EME1: variants seen among roughly 807,000 people sequenced by gnomAD.
The protein encoded by EME1 is essential meiotic structure-specific endonuclease 1, also known as structure-specific endonuclease subunit EME1.
In EME1, 61 loss-of-function variants were observed where a neutral mutation model predicts 59.1. The ratio of observed to expected loss-of-function variants is 1.03; its 90% CI spans 0.84 to 1.28. The LOEUF is 1.28. EME1 is among the 50% of genes most tolerant of loss of function. The probability of loss-of-function intolerance (pLI) is 0.00; values close to 1 mark genes in which losing one functional copy is unlikely to be tolerated. For synonymous variants in EME1, 230 were observed against 254.2 expected (o/e 0.90, Z 0.90); for missense variants, 635 against 682.6 (o/e 0.93, Z 0.78).
intron 3 of EME1, among the ~76,000 whole-genome samples, chr17:50,377,374 C>A (rs1324385197): frequency 6.6e-6 from 1 of 152,188 alleles, no homozygotes; most frequent in Admixed American, 6.5e-5. Context: ...GAACCCAGAG[C>A]TCCCCAAACC....
chr17:50,373,272 T>C lies in EME1; in HGVS notation c.-30T>C, dbSNP rs1281924831. 12 of 1,540,664 alleles carry C rather than the reference T, an allele frequency of 7.8e-6. No homozygotes were observed. Among genetic ancestry groups the C allele is most frequent in the Non-Finnish European group, 1.1e-5 (12 of 1,132,730 alleles). ...GCAGTTGAAAGAGTGGCGGGAGAAGTTGCAGGTGAGCGTCCCCGGTCGCAG... is the reference window on the plus strand; with the variant it reads ...GCAGTTGAAAGAGTGGCGGGAGAAGCTGCAGGTGAGCGTCCCCGGTCGCAG... On this transcript the variant is annotated 5_prime_UTR_variant, in exon 1 of 9. Transcript: ENST00000338165.
chr17:50,381,082 T>G lies in EME1; in HGVS notation c.*143T>G. On this transcript the variant is annotated 3_prime_UTR_variant, in exon 9 of 9. Transcript: ENST00000338165. ...AGTCTTTCTTGGGTCTTATTATTTG[T>G]GAAGGTCTCTCTGCCTGTCGGCTGG... is the stretch of plus-strand genomic sequence containing the variant. 4.6e-6 allele frequency: 4 copies of G among 872,962 alleles called. No homozygotes were observed. The South Asian group carries it at 7.2e-5, about 16-fold the overall frequency. 54.1% of individuals were successfully genotyped at this position (872,962 alleles called of 1,614,324 possible).
At position 50,379,130 on chromosome 17, in the gene EME1, G is replaced by T; in HGVS notation, c.1136G>T (p.Gly379Val). Residue 379 changes from glycine to valine, a missense_variant, in exon 6 of 9, where the codon GGG becomes GTG. Transcript: ENST00000338165. ...CFSAQNPPRR[G>V]KQGANKQTKK... The stretch of plus-strand genomic sequence containing the variant: ...AGTGCTCAGAATCCTCCAAGAAGAG[G>T]GAAACAGGGAGCAAATAAACAGACC... 6.2e-7 allele frequency: 1 copy of T among 1,614,106 alleles called. No homozygotes were observed. Among genetic ancestry groups the T allele is most frequent in the Non-Finnish European group, 8.5e-7 (1 of 1,180,034 alleles).
Position 50,379,225 on chromosome 17 carries a change from G to A in EME1, c.1230+1G>A. On this transcript the variant is annotated splice_donor_variant, in intron 6 of 8. Transcript: ENST00000338165. LOFTEE classifies it high-confidence loss of function. ...GGTATCCAGGGTAGACGCTGAAGAGGTAAGAACGTCCTGTTGCCTGAATCG... is the reference window on the plus strand; with the variant it reads ...GGTATCCAGGGTAGACGCTGAAGAGATAAGAACGTCCTGTTGCCTGAATCG... 3 of 1,614,074 alleles carry A rather than the reference G, an allele frequency of 1.9e-6. No homozygotes were observed. The highest frequency in any genetic ancestry group is 2.5e-6 in the Non-Finnish European group (3 of 1,180,008).
intron 7 of EME1, chr17:50,379,809 G>A (rs771098004): frequency 2.7e-5 from 13 of 472,928 alleles, no homozygotes; most frequent in Non-Finnish European, 4.6e-5. Context: ...GATATCATAG[G>A]CCAGGTTACC....
intron 1 of EME1, among the ~76,000 whole-genome samples, chr17:50,373,981 T>C (rs1054258840): frequency 2.0e-5 from 3 of 152,062 alleles, no homozygotes; most frequent in Non-Finnish European, 2.9e-5. Context: ...AAAAAGTCAA[T>C]CACAAAAGGC....
Position 50,379,151 on chromosome 17 carries a change from A to C in EME1, c.1157A>C (p.Gln386Pro). 1 of 1,614,194 alleles carries C rather than the reference A, an allele frequency of 6.2e-7. No homozygotes were observed. The highest frequency in any genetic ancestry group is 8.5e-7 in the Non-Finnish European group (1 of 1,180,036). ...AGAGGGAAACAGGGAGCAAATAAACAGACCAAGAAGCAGCAGCAGAGACAA... is the reference window on the plus strand; with the variant it reads ...AGAGGGAAACAGGGAGCAAATAAACCGACCAAGAAGCAGCAGCAGAGACAA... ...PRRGKQGANK[Q>P]TKKQQQRQPE... The change falls in exon 6 of 9, where the codon CAG becomes CCG. Residue 386 changes from glutamine (Q) to proline (P), a missense_variant. Gln to Pro is a moderately conservative substitution (Grantham distance 76). Coordinates refer to ENST00000338165, the MANE Select transcript of EME1 (RefSeq NM_152463.4).
Position 50,380,988 on chromosome 17 carries a change from C to G in EME1, c.*49C>G. Reference sequence around the variant, plus strand: ...GAAAAGCTGGAAACTTCCACTTCCCCAACCTCAGAGCCTGACTGTAATGAA... The same window carrying G: ...GAAAAGCTGGAAACTTCCACTTCCCGAACCTCAGAGCCTGACTGTAATGAA... On this transcript the variant is annotated 3_prime_UTR_variant, in exon 9 of 9. Coordinates refer to ENST00000338165, the MANE Select transcript of EME1 (RefSeq NM_152463.4). 1 of 1,599,794 alleles carries G rather than the reference C, an allele frequency of 6.3e-7. No individual in the cohort carries two copies.
At position 50,380,514 on chromosome 17, in the gene EME1, A is replaced by G; in HGVS notation, c.1536+13A>G. The G allele has an allele frequency of 1.2e-6, 2 of 1,612,104 alleles. No individual in the cohort carries two copies. Among genetic ancestry groups the G allele is most frequent in the East Asian group, 2.2e-5 (1 of 44,854 alleles). Reference sequence around the variant, plus strand: ...GCTCCTGGTACAGGTATGCTGCTCCAGGGCTCAGGGGTCACTGCCCATTGC... The same window carrying G: ...GCTCCTGGTACAGGTATGCTGCTCCGGGGCTCAGGGGTCACTGCCCATTGC... On this transcript the variant is annotated intron_variant, in intron 8 of 8. Transcript: ENST00000338165.
chr17:50,375,104 T>C, intron 1 of EME1, 81 bp from the exon 2 acceptor site: 1 of 1,079,790 alleles, frequency 9.3e-7, no homozygotes, highest in East Asian at 2.4e-5. Context: ...TATATTTATG[T>C]CATAAAGCCT....
chr17:50,376,105 C>G lies in EME1; in HGVS notation c.815C>G (p.Ala272Gly). 1 of 1,614,100 alleles carries G rather than the reference C, an allele frequency of 6.2e-7. No individual in the cohort carries two copies. The highest frequency in any genetic ancestry group is 8.5e-7 in the Non-Finnish European group (1 of 1,180,024). Residue 272 changes from alanine to glycine, a missense_variant, in exon 3 of 9, where the codon GCA (alanine) becomes GGA (glycine). Ala to Gly is a moderately conservative substitution (Grantham distance 60). Transcript: ENST00000338165. ...QMEGGGQLLGALQTMECRCVI... is the reference protein window; with the variant it reads ...QMEGGGQLLGGLQTMECRCVI... The stretch of plus-strand genomic sequence containing the variant: ...GAAGGTGGGGGCCAGCTCCTAGGAG[C>G]ACTGCAGACCATGGAGTGCCGCTGT...
Position 50,378,699 on chromosome 17 carries a change from G to T in EME1, c.990+18G>T. The T allele has an allele frequency of 1.2e-6, 2 of 1,614,214 alleles. No homozygotes were observed. The highest frequency in any genetic ancestry group is 1.7e-6 in the Non-Finnish European group (2 of 1,180,038). On this transcript the variant is annotated intron_variant, in intron 4 of 8. Transcript: ENST00000338165. The stretch of plus-strand genomic sequence containing the variant: ...GAAAGCAGGTGGGCAGAGCCAGAGG[G>T]TGGGAGGACACGGAACAGAGGGCTG...
chr17:50,378,611 T>A lies in EME1; in HGVS notation c.920T>A (p.Val307Glu). ...CTTTGGCAGGACAGAGAGGACTGGG[T>A]GGAGGAGCCAACAGTACTGGTGTTG... is the stretch of plus-strand genomic sequence containing the variant. The part of the protein sequence containing the change: ...AGPSEDREDW[V>E]EEPTVLVLLR... The change falls in exon 4 of 9, where the codon GTG (valine) becomes GAG (glutamate). Residue 307 changes from valine (V) to glutamate (E), a missense_variant. Val to Glu is a moderately radical substitution (Grantham distance 121). Transcript: ENST00000338165. 1.2e-6 allele frequency: 2 copies of A among 1,613,790 alleles called. No individual in the cohort carries two copies.
At chr17:50,374,024 T>C (rs996787594) in intron 1 of EME1, among the ~76,000 whole-genome samples, 1 of 152,146 alleles carries the variant, frequency 6.6e-6, no homozygotes. Flanking sequence ...ATATGAAATA[T>C]CCAGAATAGG....
intron 7 of EME1, chr17:50,380,067 T>G: frequency 2.3e-6 from 1 of 443,268 alleles, no homozygotes; most frequent in Non-Finnish European, 4.1e-6. Context: ...TTGCCAGATA[T>G]CCAAAGAATC....
chr17:50,377,141 A>G (rs1254922783), intron 3 of EME1, among the ~76,000 whole-genome samples: 2 of 152,096 alleles, frequency 1.3e-5, no homozygotes, highest in East Asian at 1.9e-4. Flanking sequence ...TTTGGATCTG[A>G]TAACTTTCTC....
At position 50,375,285 on chromosome 17, in the gene EME1, T is replaced by C; in HGVS notation, c.77T>C (p.Leu26Pro). ...GAGGAGTTGCCAACATTTGCCTTTCTGAAGAAGGAACCATCTTCAACAAAG... is the reference window on the plus strand; with the variant it reads ...GAGGAGTTGCCAACATTTGCCTTTCCGAAGAAGGAACCATCTTCAACAAAG... Reference protein sequence around the residue: ...DSEELPTFAFLKKEPSSTKRR... With the variant: ...DSEELPTFAFPKKEPSSTKRR... The change falls in exon 2 of 9, where the codon CTG becomes CCG. Residue 26 changes from leucine to proline, a missense_variant. Coordinates refer to ENST00000338165, the MANE Select transcript of EME1 (RefSeq NM_152463.4). 6.2e-7 allele frequency: 1 copy of C among 1,614,228 alleles called. No homozygotes were observed. The highest frequency in any genetic ancestry group is 8.5e-7 in the Non-Finnish European group (1 of 1,180,046).
intron 8 of EME1, 67 bp from the exon 9 acceptor site, chr17:50,380,696 C>T (rs1913773242): frequency 2.2e-5 from 35 of 1,602,664 alleles, no homozygotes; most frequent in Non-Finnish European, 2.8e-5. Context: ...GCGTAGCACC[C>T]TCCATGCTCA....
rs1191031009 is a variant in EME1 at position 50,375,454 on chromosome 17, G to A, written c.246G>A (p.Leu82=). The part of the protein sequence containing the change: ...ETVTQTQPVR[L]LSSESEDEEE... ...TCACACAAACACAGCCAGTCAGGTTGCTAAGCAGTGAAAGTGAAGATGAAG... is the reference window on the plus strand; with the variant it reads ...TCACACAAACACAGCCAGTCAGGTTACTAAGCAGTGAAAGTGAAGATGAAG... The change falls in exon 2 of 9, where the codon TTG becomes TTA. Residue 82 remains leucine (L), a synonymous_variant. Transcript: ENST00000338165. The A allele has an allele frequency of 6.2e-7, 1 of 1,614,016 alleles. No individual in the cohort carries two copies. The highest frequency in any genetic ancestry group is 1.3e-5 in the African/African-American group (1 of 74,930).
Sources: allele counts gnomAD v4.1 joint callset (sites outside exome capture counted in the v4.1 genomes callset), GRCh38; gene constraint gnomAD v4.1.1; transcripts MANE v1.5; gene names NCBI Gene and HGNC (gene_info 2026-07-23, HGNC 2026-07-21).